The following SDK1 variants were observed in gnomAD, a reference collection of about 807,000 sequenced individuals.
The protein encoded by SDK1 is sidekick cell adhesion molecule 1, also known as protein sidekick-1.
In SDK1, 157 loss-of-function variants were observed where a neutral mutation model predicts 245.5. The ratio of observed to expected loss-of-function variants is 0.64; its 90% confidence interval spans 0.56 to 0.73. The LOEUF is 0.73. Ranked by LOEUF, SDK1 falls within the 30% of genes least tolerant of loss-of-function variation. SDK1 has a pLI of 0.00. For synonymous variants in SDK1, 1,647 were observed against 1,278.5 expected (o/e 1.29, Z -6.15); for missense variants, 3,583 against 3,002.3 (o/e 1.19, Z -4.52).
chr7:3,847,440 A>G (rs567504769), intron 5 of SDK1, among the ~76,000 whole-genome samples: 6 of 152,374 alleles, frequency 3.9e-5, no homozygotes, highest in East Asian at 1.9e-4. Context: ...TTAACAAGCT[A>G]TGCTGAGGCA....
chr7:3,550,320 G>A (rs1237698863), intron 1 of SDK1, among the ~76,000 whole-genome samples: 3 of 152,028 alleles, frequency 2.0e-5, no homozygotes, highest in Non-Finnish European at 4.4e-5. Context: ...GTAGTCATTT[G>A]CGTTTTCTTC....
intron 14 of SDK1, among the ~76,000 whole-genome samples, chr7:3,998,807 C>T (rs1033002856): frequency 6.6e-5 from 10 of 152,202 alleles, no homozygotes; most frequent in African/African-American, 2.2e-4. Context: ...CGTGGAGTTC[C>T]GTGCAGTCGG....
At chr7:3,577,335 C>G (rs1780326695) in intron 1 of SDK1, among the ~76,000 whole-genome samples, 1 of 152,068 alleles carries the variant, frequency 6.6e-6, no homozygotes, top group South Asian at 2.1e-4. Context: ...GAAACAGAGA[C>G]TTGAAGGATA....
At chr7:3,613,159 G>T (rs950798419) in intron 1 of SDK1, among the ~76,000 whole-genome samples, 7 of 152,082 alleles carry the variant, frequency 4.6e-5, no homozygotes, top group African/African-American at 7.2e-5. Flanking sequence ...AATTTTAGCT[G>T]TTGTGGAACA....
chr7:3,748,997 A>G (rs1376053874), intron 4 of SDK1, among the ~76,000 whole-genome samples: 3 of 152,142 alleles, frequency 2.0e-5, no homozygotes, highest in African/African-American at 7.2e-5. Flanking sequence ...CAACCAACCA[A>G]CCCAACTCAC....
chr7:3,324,904 C>G (rs1007763920), intron 1 of SDK1, among the ~76,000 whole-genome samples: 1 of 152,118 alleles, frequency 6.6e-6, no homozygotes, highest in African/African-American at 2.4e-5. Flanking sequence ...TTTTTCCTAA[C>G]AGAAGGTAAA....
chr7:4,126,190 C>T (rs920715350), intron 25 of SDK1, among the ~76,000 whole-genome samples: 3 of 152,182 alleles, frequency 2.0e-5, no homozygotes, highest in Non-Finnish European at 1.5e-5. Flanking sequence ...CAGGGCCTTC[C>T]CTGACTGCTA....
intron 4 of SDK1, among the ~76,000 whole-genome samples, chr7:3,703,060 C>CAAAA (rs34926857): frequency 1.1e-5 from 1 of 87,634 alleles, no homozygotes; most frequent in Non-Finnish European, 2.8e-5. Flanking sequence ...GACTCTGTCT[C>CAAAA]AAAAAAAAAA....
At chr7:3,872,820 G>A (rs1157088336) in intron 5 of SDK1, among the ~76,000 whole-genome samples, 2 of 151,876 alleles carry the variant, frequency 1.3e-5, no homozygotes, top group East Asian at 1.9e-4. Flanking sequence ...TCCACATAAT[G>A]CTATGCTGCT....
chr7:3,373,762 G>T (rs1305693708), intron 1 of SDK1, among the ~76,000 whole-genome samples: 6 of 152,088 alleles, frequency 3.9e-5, no homozygotes, highest in African/African-American at 1.4e-4. Flanking sequence ...CAGACAAATG[G>T]TTAGAAGCAA....
At chr7:4,206,934 G>T (rs973191818) in intron 36 of SDK1, among the ~76,000 whole-genome samples, 1 of 152,224 alleles carries the variant, frequency 6.6e-6, no homozygotes, top group African/African-American at 2.4e-5. Flanking sequence ...TTACAGTGAT[G>T]AATGAGCTAA....
At chr7:4,145,147 G>C (rs1779872517) in intron 28 of SDK1, among the ~76,000 whole-genome samples, 1 of 152,146 alleles carries the variant, frequency 6.6e-6, no homozygotes, top group South Asian at 2.1e-4. Context: ...GAGCTGCCCT[G>C]GCGGAGCTGC....
At chr7:3,419,249 G>T (rs1339471097) in intron 1 of SDK1, among the ~76,000 whole-genome samples, 2 of 152,206 alleles carry the variant, frequency 1.3e-5, no homozygotes, top group African/African-American at 4.8e-5. Flanking sequence ...TGCCCGAAGT[G>T]GCAGAATTGG....
Position 3,392,482 on chromosome 7 carries a change from T to C in SDK1, c.298+90598T>C, listed in dbSNP as rs997626389. Among the ~76,000 whole-genome samples the C allele has an allele frequency of 2.6e-5, 4 of 152,156 alleles. 1 individual carries two copies. The highest frequency in any genetic ancestry group is 5.9e-5 in the Non-Finnish European group (4 of 68,016). ...ACACATATAGCATAGAATTTGTCATTTTAACCATTTAAAAAGTGCAGTTCA... is the reference window on the plus strand; with the variant it reads ...ACACATATAGCATAGAATTTGTCATCTTAACCATTTAAAAAGTGCAGTTCA... On this transcript the variant is annotated intron_variant, in intron 1 of 44. Coordinates refer to ENST00000404826, the MANE Select transcript of SDK1 (RefSeq NM_152744.4).
intron 4 of SDK1, among the ~76,000 whole-genome samples, chr7:3,816,342 C>A (rs1199878702): frequency 2.7e-5 from 4 of 149,780 alleles, no homozygotes; most frequent in African/African-American, 9.9e-5. Flanking sequence ...AATTGATAGA[C>A]CGCTAGCAAG....
chr7:3,949,879 CTT>C (rs1293680891), intron 5 of SDK1, among the ~76,000 whole-genome samples: 1 of 152,116 alleles, frequency 6.6e-6, no homozygotes, highest in African/African-American at 2.4e-5. Context: ...GAACTGAACC[CTT>C]TGTTAATTGA....
intron 41 of SDK1, among the ~76,000 whole-genome samples, chr7:4,235,689 A>G (rs1177816072): frequency 6.6e-6 from 1 of 152,212 alleles, no homozygotes; most frequent in Non-Finnish European, 1.5e-5. Context: ...CTCATGCGGA[A>G]CGTGCACTTT....
intron 4 of SDK1, among the ~76,000 whole-genome samples, chr7:3,741,139 A>C (rs570212220): frequency 6.6e-6 from 1 of 152,270 alleles, no homozygotes; most frequent in African/African-American, 2.4e-5. Context: ...CTGTATACCA[A>C]GTGGATGTGC....
chr7:3,358,368 T>A (rs1054457505), intron 1 of SDK1, among the ~76,000 whole-genome samples: 1 of 152,152 alleles, frequency 6.6e-6, no homozygotes, highest in East Asian at 1.9e-4. Flanking sequence ...ACAATTTGTT[T>A]TAATATGAAG....
Sources: allele counts gnomAD v4.1 joint callset (sites outside exome capture counted in the v4.1 genomes callset), GRCh38; gene constraint gnomAD v4.1.1; transcripts MANE v1.5; gene names NCBI Gene and HGNC (gene_info 2026-07-23, HGNC 2026-07-21).